Variants in CCSER1 observed in about 807,000 individuals in gnomAD.
CCSER1 encodes serine-rich coiled-coil domain-containing protein 1.
CCSER1 carries 41 observed loss-of-function variants against 82.0 expected under a neutral mutation model. The ratio of observed to expected loss-of-function variants is 0.50; its 90% CI spans 0.39 to 0.65. The LOEUF is 0.65. Among genes scored for constraint, CCSER1 ranks in the 30% least tolerant of loss-of-function variants. CCSER1 has a pLI of 0.00. For synonymous variants in CCSER1, 414 were observed against 383.9 expected, an observed-to-expected ratio of 1.08 and a Z score of -0.92; for missense variants, 1,119 against 1,064.2, an observed-to-expected ratio of 1.05 and a Z score of -0.72.
intron 10 of CCSER1, among the ~76,000 whole-genome samples, chr4:91,482,877 A>T (rs903016215): frequency 6.6e-6 from 1 of 151,442 alleles, no homozygotes; most frequent in African/African-American, 2.4e-5. Context: ...TCTCACTCAT[A>T]GGTGGGAATT....
intron 5 of CCSER1, among the ~76,000 whole-genome samples, chr4:90,478,583 G>C (rs535607175): frequency 6.6e-6 from 1 of 151,930 alleles, no homozygotes; most frequent in Non-Finnish European, 1.5e-5. Context: ...TCTAAGCTTT[G>C]CAAACACGTA....
rs1335170666 is a variant in CCSER1, at chr4:90,748,646, C to T, written c.2010+24655C>T. On this transcript the variant is annotated intron_variant, in intron 7 of 10. Coordinates refer to ENST00000509176, the MANE Select transcript of CCSER1 (RefSeq NM_001145065.2). ...CACAATGGTTGAACTAGTTTACAGT[C>T]CCACCAACAGTGTAAAAGTGTTCCT... Among the ~76,000 whole-genome samples the T allele has an allele frequency of 7.2e-3, 1,060 of 146,622 alleles. 16 individuals carry two copies. Among genetic ancestry groups the T allele is most frequent in the African/African-American group, 0.025 (1,001 of 40,062 alleles).
At position 91,384,230 on chromosome 4, in the gene CCSER1, A is replaced by G. The variant is rs539195183; in HGVS notation, c.2218-214342A>G. Reference sequence around the variant, plus strand: ...CTGGAAGATAGAAAACCTAACACCTAGATCTACAAAATCTTTGTAGTTTGG... The same window carrying G: ...CTGGAAGATAGAAAACCTAACACCTGGATCTACAAAATCTTTGTAGTTTGG... On this transcript the variant is annotated intron_variant, in intron 10 of 10. Transcript: ENST00000509176. Among the ~76,000 whole-genome samples the G allele has an allele frequency of 7.0e-4, 107 of 152,248 alleles. 1 individual carries two copies. Among genetic ancestry groups the G allele is most frequent in the African/African-American group, 2.5e-3 (103 of 41,564 alleles).
At chr4:90,958,296 C>A (rs1394014285) in intron 9 of CCSER1, among the ~76,000 whole-genome samples, 1 of 152,042 alleles carries the variant, frequency 6.6e-6, no homozygotes, top group African/African-American at 2.4e-5. Context: ...TAATAAGTAA[C>A]TAGTTGTCTG....
intron 5 of CCSER1, among the ~76,000 whole-genome samples, chr4:90,564,334 C>T (rs1002332789): frequency 6.6e-6 from 1 of 152,058 alleles, no homozygotes; most frequent in Non-Finnish European, 1.5e-5. Flanking sequence ...GGGTTGCAGG[C>T]ATGAGCCACC....
chr4:91,572,809 TAA>T (rs568857955), intron 10 of CCSER1, among the ~76,000 whole-genome samples: 13 of 115,442 alleles, frequency 1.1e-4, no homozygotes, highest in African/African-American at 1.3e-4. Flanking sequence ...TAAAAATCTA[TAA>T]AAAAAAAAAA....
chr4:90,376,005 G>A (rs535988413), intron 3 of CCSER1, among the ~76,000 whole-genome samples: 3 of 152,142 alleles, frequency 2.0e-5, no homozygotes, highest in African/African-American at 7.2e-5. Flanking sequence ...TGTTCTAGGG[G>A]CACTATGTGT....
intron 10 of CCSER1, among the ~76,000 whole-genome samples, chr4:91,562,511 T>C (rs756150139): frequency 6.6e-6 from 1 of 151,540 alleles, no homozygotes; most frequent in Non-Finnish European, 1.5e-5. Flanking sequence ...TGTTGTCCTG[T>C]GTAAACATGC....
At chr4:91,356,056 G>A (rs1713851857) in intron 10 of CCSER1, among the ~76,000 whole-genome samples, 1 of 152,218 alleles carries the variant, frequency 6.6e-6, no homozygotes, top group South Asian at 2.1e-4. Context: ...TTTATGTTTA[G>A]GTTTTGCCCA....
chr4:91,086,230 T>G (rs1205131380), intron 10 of CCSER1, among the ~76,000 whole-genome samples: 2 of 152,092 alleles, frequency 1.3e-5, no homozygotes, highest in African/African-American at 4.8e-5. Context: ...GTTTCTCTGA[T>G]TAGGCAAGCA....
intron 10 of CCSER1, among the ~76,000 whole-genome samples, chr4:91,238,791 T>C (rs910950584): frequency 2.6e-5 from 4 of 152,212 alleles, no homozygotes; most frequent in South Asian, 2.1e-4. Flanking sequence ...GGTTTGCATT[T>C]ACTCAGTATT....
At chr4:90,701,259 G>C (rs996299801) in intron 6 of CCSER1, among the ~76,000 whole-genome samples, 1 of 152,158 alleles carries the variant, frequency 6.6e-6, no homozygotes, top group Non-Finnish European at 1.5e-5. Flanking sequence ...CCCATTTCTT[G>C]TTTTTGTCAG....
At chr4:91,136,054 TA>T (rs1192730163) in intron 10 of CCSER1, among the ~76,000 whole-genome samples, 4 of 152,178 alleles carry the variant, frequency 2.6e-5, no homozygotes, top group African/African-American at 9.7e-5. Context: ...CTGGTCACAG[TA>T]AAAAATTTTA....
At chr4:90,510,048 G>T (rs1771269389) in intron 5 of CCSER1, among the ~76,000 whole-genome samples, 1 of 152,072 alleles carries the variant, frequency 6.6e-6, no homozygotes, top group Admixed American at 6.5e-5. Context: ...CAGTGTGCTA[G>T]AACTTTAACA....
At chr4:91,459,958 G>A (rs573278398) in intron 10 of CCSER1, among the ~76,000 whole-genome samples, 10 of 152,214 alleles carry the variant, frequency 6.6e-5, no homozygotes, top group African/African-American at 2.4e-4. Context: ...AAGCCTAAGA[G>A]ATAGAAATAT....
intron 1 of CCSER1, among the ~76,000 whole-genome samples, chr4:90,268,400 C>T (rs529166176): frequency 1.5e-4 from 23 of 152,046 alleles, no homozygotes; most frequent in South Asian, 1.5e-3. Flanking sequence ...AGTGGGAATA[C>T]GAAGTTAAAG....
chr4:90,605,241 G>T (rs1560796661), intron 5 of CCSER1, among the ~76,000 whole-genome samples: 1 of 152,262 alleles, frequency 6.6e-6, no homozygotes, highest in East Asian at 1.9e-4. Flanking sequence ...GTCACCACGA[G>T]GGTCTGCAGC....
chr4:91,544,113 A>G (rs562384739), intron 10 of CCSER1, among the ~76,000 whole-genome samples: 18 of 152,150 alleles, frequency 1.2e-4, no homozygotes, highest in African/African-American at 4.3e-4. Context: ...AAGCTTGTGC[A>G]TGCGTCATGT....
At chr4:90,309,638 A>G in intron 2 of CCSER1, 30 bp downstream of exon 2, 1 of 1,467,626 alleles carries the variant, frequency 6.8e-7, no homozygotes, top group Non-Finnish European at 9.1e-7. Context: ...ATAACAAATG[A>G]TATGAATTAA....
Sources: gnomAD v4.1 joint callset for allele counts (sites outside exome capture counted in the v4.1 genomes callset) on GRCh38, gnomAD v4.1.1 for gene constraint, MANE v1.5 for transcripts, NCBI Gene and HGNC (gene_info 2026-07-23, HGNC 2026-07-21) for gene names.